The following TNNI3K variants were observed in gnomAD, a reference collection of about 807,000 sequenced individuals.
TNNI3K encodes the protein TNNI3 interacting kinase, also known as serine/threonine-protein kinase TNNI3K.
TNNI3K carries 140 observed loss-of-function variants against 114.5 expected under a neutral mutation model. That is an observed-to-expected ratio of 1.22 (90% CI 1.07 to 1.41). The LOEUF (loss-of-function observed/expected upper bound fraction) is 1.41, where lower values mean the gene tolerates loss of function less well. TNNI3K is among the 40% of genes most tolerant of loss of function. The pLI is 0.00. For missense variants in TNNI3K, 1,125 were observed against 1,007.6 expected (o/e 1.12, Z -1.58); for synonymous variants, 347 against 347.5 (o/e 1.00, Z 0.02).
chr1:74,478,762 G>GT (rs1176452543), intron 21 of TNNI3K, among the ~76,000 whole-genome samples: 2 of 152,160 alleles, frequency 1.3e-5, no homozygotes, highest in Non-Finnish European at 2.9e-5. Context: ...GCATCTGTGT[G>GT]TTTTTATTGG....
At chr1:74,451,047 C>T (rs916947658) in intron 20 of TNNI3K, among the ~76,000 whole-genome samples, 4 of 152,154 alleles carry the variant, frequency 2.6e-5, no homozygotes, top group African/African-American at 9.7e-5. Flanking sequence ...GGTACATATA[C>T]ACCATGGAAT....
intron 17 of TNNI3K, among the ~76,000 whole-genome samples, chr1:74,415,684 C>T (rs1449499013): frequency 6.7e-6 from 1 of 149,776 alleles, no homozygotes. Flanking sequence ...TATATTTATA[C>T]TTTTTTGATA....
intron 21 of TNNI3K, chr1:74,480,065 A>G: frequency 1.6e-6 from 1 of 623,920 alleles, no homozygotes; most frequent in Non-Finnish European, 2.9e-6. Flanking sequence ...CCTGGCAACC[A>G]AGTGTCTGAG....
intron 9 of TNNI3K, among the ~76,000 whole-genome samples, chr1:74,347,517 G>A (rs1661081573): frequency 1.3e-5 from 2 of 152,130 alleles, no homozygotes; most frequent in South Asian, 2.1e-4. Flanking sequence ...TATATACCCA[G>A]TAATGGGATG....
intron 17 of TNNI3K, among the ~76,000 whole-genome samples, chr1:74,378,998 T>C (rs539707027): frequency 6.6e-6 from 1 of 152,130 alleles, no homozygotes; most frequent in South Asian, 2.1e-4. Context: ...TAATGTATTT[T>C]CACAATTTAT....
chr1:74,255,558 T>G (rs1655234103), intron 4 of TNNI3K, among the ~76,000 whole-genome samples: 1 of 152,220 alleles, frequency 6.6e-6, no homozygotes, highest in Non-Finnish European at 1.5e-5. Context: ...TTTAGCTATT[T>G]AATACCACAT....
chr1:74,395,907 T>C (rs1208456809), intron 17 of TNNI3K, among the ~76,000 whole-genome samples: 2 of 152,318 alleles, frequency 1.3e-5, no homozygotes, highest in East Asian at 3.9e-4. Context: ...AAGAGCCCAT[T>C]CATCAGCCTT....
At chr1:74,316,376 C>A (rs1263905761) in intron 5 of TNNI3K, among the ~76,000 whole-genome samples, 1 of 152,142 alleles carries the variant, frequency 6.6e-6, no homozygotes, top group Non-Finnish European at 1.5e-5. Context: ...TCTGCTGTTC[C>A]AAAGACTTCC....
At chr1:74,488,204 C>A (rs1668865985) in intron 21 of TNNI3K, among the ~76,000 whole-genome samples, 1 of 152,082 alleles carries the variant, frequency 6.6e-6, no homozygotes, top group African/African-American at 2.4e-5. Flanking sequence ...GAGGAGAAAC[C>A]ATTTGGAAGT....
intron 17 of TNNI3K, among the ~76,000 whole-genome samples, chr1:74,426,980 GA>G (rs1397969664): frequency 6.6e-6 from 1 of 152,062 alleles, no homozygotes; most frequent in East Asian, 1.9e-4. Context: ...GCCTTGGGAG[GA>G]AAAACAGCTC....
chr1:74,429,314 T>G (rs1411915190), intron 17 of TNNI3K, among the ~76,000 whole-genome samples: 1 of 152,118 alleles, frequency 6.6e-6, no homozygotes, highest in African/African-American at 2.4e-5. Flanking sequence ...CATATGAGAC[T>G]ATATTTGCAA....
At chr1:74,432,378 A>T (rs1185579696) in intron 17 of TNNI3K, among the ~76,000 whole-genome samples, 1 of 152,116 alleles carries the variant, frequency 6.6e-6, no homozygotes, top group Non-Finnish European at 1.5e-5. Flanking sequence ...GAGCAAATGG[A>T]TGTAAATAAA....
At chr1:74,537,464 A>T (rs1371512013) in intron 23 of TNNI3K, among the ~76,000 whole-genome samples, 1 of 152,220 alleles carries the variant, frequency 6.6e-6, no homozygotes, top group Non-Finnish European at 1.5e-5. Flanking sequence ...CCAAAGATGC[A>T]GTCATTTTTA....
intron 21 of TNNI3K, chr1:74,472,004 CAT>C (rs946593032): frequency 2.1e-5 from 14 of 675,728 alleles, no homozygotes; most frequent in African/African-American, 1.8e-4. Context: ...ATCTTTTGTA[CAT>C]AGTGTTCCTC....
rs146821529 is a variant in TNNI3K, at chr1:74,393,856, A to G, written c.1772+23464A>G. Among the ~76,000 whole-genome samples the G allele has an allele frequency of 3.0e-3, 464 of 152,266 alleles. 2 individuals are homozygous for G. Among genetic ancestry groups the G allele is most frequent in the African/African-American group, 0.01 (434 of 41,544 alleles). ...CACACAACCTAGATCCCTTGCATGC[A>G]TAGTTCACAATAGGGTTTGTGCTCC... On this transcript the variant is annotated intron_variant, in intron 17 of 24. Coordinates refer to ENST00000326637, the MANE Select transcript of TNNI3K (RefSeq NM_015978.3).
chr1:74,280,963 C>G (rs1336080658), intron 5 of TNNI3K, among the ~76,000 whole-genome samples: 1 of 152,008 alleles, frequency 6.6e-6, no homozygotes, highest in Non-Finnish European at 1.5e-5. Context: ...TGTCTTGCAA[C>G]TTGGGTAACC....
At position 74,276,835 on chromosome 1, in the gene TNNI3K, T is replaced by C. The variant is rs536596330; in HGVS notation, c.444+5127T>C. 7.2e-5 allele frequency among the ~76,000 whole-genome samples: 11 copies of C among 152,256 alleles called. No individual in the cohort carries two copies. The South Asian group carries it at 2.3e-3, about 32-fold the overall frequency. ...AATTTACATTGACTAGGCAGCTGTCTTCTTCAATAATAGAAGAGAACATGT... is the reference window on the plus strand; with the variant it reads ...AATTTACATTGACTAGGCAGCTGTCCTCTTCAATAATAGAAGAGAACATGT... On this transcript the variant is annotated intron_variant, in intron 5 of 24. Coordinates refer to ENST00000326637, the MANE Select transcript of TNNI3K (RefSeq NM_015978.3).
chr1:74,436,028 G>C, intron 17 of TNNI3K, 52 bp from the exon 18 acceptor site: 1 of 1,581,108 alleles, frequency 6.3e-7, no homozygotes, highest in South Asian at 1.2e-5. Context: ...ATTAGATTAG[G>C]ACATAGCAAA....
chr1:74,436,410 T>A (rs1474775980), intron 18 of TNNI3K, 64 bp from the exon 19 acceptor site: 1 of 1,505,946 alleles, frequency 6.6e-7, no homozygotes. Context: ...AAATTTTAAC[T>A]GTGATCTTTT....
Sources: gnomAD v4.1 joint callset for allele counts (sites outside exome capture counted in the v4.1 genomes callset) on GRCh38, gnomAD v4.1.1 for gene constraint, MANE v1.5 for transcripts, NCBI Gene and HGNC (gene_info 2026-07-23, HGNC 2026-07-21) for gene names.